E2F5: variants seen among roughly 807,000 people sequenced by gnomAD.
E2F5 encodes the protein transcription factor E2F5.
Under a neutral mutation model 39.1 loss-of-function variants are expected in E2F5, and 23 were observed. That is an observed-to-expected ratio of 0.59 (90% CI 0.42 to 0.83). The LOEUF (loss-of-function observed/expected upper bound fraction) is 0.83. Among genes scored for constraint, E2F5 ranks in the 40% least tolerant of loss-of-function variants. The pLI, the probability that E2F5 is intolerant of heterozygous loss-of-function variation, is 0.00. For missense variants in E2F5, 365 were observed against 406.7 expected (o/e 0.90, Z 0.88); for synonymous variants, 145 against 157.8 (o/e 0.92, Z 0.61).
intron 1 of E2F5, among the ~76,000 whole-genome samples, chr8:85,192,929 C>A (rs1424380735): frequency 1.3e-5 from 2 of 152,156 alleles, no homozygotes; most frequent in African/African-American, 4.8e-5. Flanking sequence ...ATATTACCTA[C>A]CACAGGTGGT....
chr8:85,207,310 A>G, intron 4 of E2F5, 115 bp from the exon 5 acceptor site: 2 of 760,128 alleles, frequency 2.6e-6, no homozygotes, highest in Non-Finnish European at 4.2e-6. Context: ...TCAAAGCTCA[A>G]GGTCACCTAG....
chr8:85,188,022 G>A (rs955541821), intron 1 of E2F5, among the ~76,000 whole-genome samples: 2 of 151,996 alleles, frequency 1.3e-5, no homozygotes, highest in African/African-American at 4.8e-5. Context: ...AAGTTTGATC[G>A]CAAAAACAAA....
chr8:85,211,640 G>GTTTTTTTTTTTTTTTTT (rs1563984332), intron 6 of E2F5, among the ~76,000 whole-genome samples: 1 of 81,058 alleles, frequency 1.2e-5, no homozygotes, highest in African/African-American at 6.3e-5. Flanking sequence ...GAGGTTTGTT[G>GTTTTTTTTTTTTTTTTT]TTGTTTTTTT....
chr8:85,202,153 G>T lies in E2F5; in HGVS notation c.241G>T (p.Asp81Tyr). 6.2e-7 allele frequency: 1 copy of T among 1,612,136 alleles called. No individual in the cohort carries two copies. Among genetic ancestry groups the T allele is most frequent in the Non-Finnish European group, 8.5e-7 (1 of 1,179,138 alleles). Residue 81 changes from aspartate to tyrosine, a missense_variant, in exon 2 of 8, where the codon GAT becomes TAT. By Grantham distance (160) the Asp-to-Tyr change is radical. Coordinates refer to ENST00000416274, the MANE Select transcript of E2F5 (RefSeq NM_001951.4). ...CGTTGTCTTTCCTGAACAGGCTGCT[G>T]ATACTTTGGCTGTGAGGCAAAAAAG... ...DGVLDLKAAA[D>Y]TLAVRQKRRI...
chr8:85,202,038 T>TGGGTC, intron 1 of E2F5, 109 bp from the exon 2 acceptor site: 1 of 840,954 alleles, frequency 1.2e-6, no homozygotes. Context: ...AGCAACTGAG[T>TGGGTC]GGGTCAAATT....
chr8:85,196,803 C>T (rs546853416), intron 1 of E2F5, among the ~76,000 whole-genome samples: 1 of 152,268 alleles, frequency 6.6e-6, no homozygotes, highest in African/African-American at 2.4e-5. Context: ...CTGTTACTGG[C>T]TTATAAAAGG....
At chr8:85,188,159 A>G (rs1413916103) in intron 1 of E2F5, among the ~76,000 whole-genome samples, 3 of 152,178 alleles carry the variant, frequency 2.0e-5, no homozygotes, top group Non-Finnish European at 4.4e-5. Flanking sequence ...TGCAGCTACT[A>G]TGATTTTTAA....
At chr8:85,198,473 T>A (rs181074904) in intron 1 of E2F5, among the ~76,000 whole-genome samples, 28 of 152,282 alleles carry the variant, frequency 1.8e-4, no homozygotes, top group Admixed American at 1.6e-3. Context: ...TCTTGAAATT[T>A]CTCCATTAAG....
chr8:85,177,865 C>A, intron 1 of E2F5: 1 of 870,068 alleles, frequency 1.1e-6, no homozygotes, highest in Non-Finnish European at 1.4e-6. Context: ...CGAGCGGACG[C>A]GTAACCAATG....
At chr8:85,182,120 C>T (rs1330145976) in intron 1 of E2F5, among the ~76,000 whole-genome samples, 1 of 152,136 alleles carries the variant, frequency 6.6e-6, no homozygotes, top group Non-Finnish European at 1.5e-5. Context: ...GTCTCATTTA[C>T]AATAGTGGAG....
intron 1 of E2F5, 93 bp from the exon 2 acceptor site, chr8:85,202,054 T>C (rs1383393154): frequency 2.0e-6 from 2 of 1,021,784 alleles, no homozygotes; most frequent in African/African-American, 3.2e-5. Context: ...AAATTTGAGA[T>C]TGGACTTGTT....
chr8:85,186,761 GGT>G (rs1454381244), intron 1 of E2F5, among the ~76,000 whole-genome samples: 1 of 145,856 alleles, frequency 6.9e-6, no homozygotes, highest in Non-Finnish European at 1.5e-5. Flanking sequence ...GTATATATAA[GGT>G]GTATATATAC....
chr8:85,201,559 T>C (rs1190758385), intron 1 of E2F5, among the ~76,000 whole-genome samples: 1 of 152,238 alleles, frequency 6.6e-6, no homozygotes, highest in East Asian at 1.9e-4. Context: ...GCTAGTGCAA[T>C]CTTGAGCTAT....
Position 85,203,158 on chromosome 8 carries a change from A to G in E2F5, c.409A>G (p.Ile137Val). 1 of 1,604,636 alleles carries G rather than the reference A, an allele frequency of 6.2e-7. No individual in the cohort carries two copies. Among genetic ancestry groups the G allele is most frequent in the Non-Finnish European group, 8.5e-7 (1 of 1,175,222 alleles). Residue 137 changes from isoleucine (I) to valine (V), a missense_variant, in exon 3 of 8, where the codon ATT becomes GTT. Coordinates refer to ENST00000416274, the MANE Select transcript of E2F5 (RefSeq NM_001951.4). ...TAGATTAAGATATCTTAAAGCTGAA[A>G]TTGAAGATCTAGAACTGAAGGAAAG... ...IDRLRYLKAEIEDLELKEREL... is the reference protein window; with the variant it reads ...IDRLRYLKAEVEDLELKEREL...
intron 7 of E2F5, chr8:85,213,542 T>TA (rs536955367): frequency 0.011 from 1,279 of 121,392 alleles, 2 homozygotes; most frequent in South Asian, 0.034. Context: ...GACTCCATCT[T>TA]AAAAAAAAAA....
intron 1 of E2F5, among the ~76,000 whole-genome samples, chr8:85,183,871 A>C (rs950874752): frequency 6.6e-6 from 1 of 152,168 alleles, no homozygotes; most frequent in Non-Finnish European, 1.5e-5. Context: ...AGGGCCTTTG[A>C]AAGATAATTA....
intron 1 of E2F5, among the ~76,000 whole-genome samples, chr8:85,200,701 A>C (rs939769492): frequency 6.6e-6 from 1 of 152,236 alleles, no homozygotes; most frequent in African/African-American, 2.4e-5. Flanking sequence ...TGTACCGTTA[A>C]CTTTGCAGTC....
rs530856089 is a variant in E2F5, at chr8:85,186,157, C to T, written c.234+8503C>T. Among the ~76,000 whole-genome samples the T allele has an allele frequency of 3.9e-5, 6 of 152,268 alleles. No homozygotes were observed. In the South Asian group the frequency reaches 8.3e-4, roughly 21 times the overall value. On this transcript the variant is annotated intron_variant, in intron 1 of 7. Coordinates refer to ENST00000416274, the MANE Select transcript of E2F5 (RefSeq NM_001951.4). ...GGATAAAGAAAATCTGGCACATATA[C>T]ACCATGGAATACTATGCAGCCGTAA...
At chr8:85,197,508 T>C (rs1812607476) in intron 1 of E2F5, among the ~76,000 whole-genome samples, 2 of 152,254 alleles carry the variant, frequency 1.3e-5, no homozygotes, top group South Asian at 4.1e-4. Flanking sequence ...TGAGCACCTC[T>C]TAGAAGCATT....
Sources: allele counts gnomAD v4.1 joint callset (sites outside exome capture counted in the v4.1 genomes callset), GRCh38; gene constraint gnomAD v4.1.1; transcripts MANE v1.5; gene names NCBI Gene and HGNC (gene_info 2026-07-23, HGNC 2026-07-21).